The following PQBP1 variants were observed in gnomAD, a reference collection of about 807,000 sequenced individuals.
PQBP1 encodes the protein polyglutamine binding protein 1, also known as polyglutamine-binding protein 1.
Under a neutral mutation model 20.9 loss-of-function variants are expected in PQBP1, and 3 were observed. The ratio of observed to expected loss-of-function variants is 0.14; its 90% CI spans 0.07 to 0.37. The LOEUF (loss-of-function observed/expected upper bound fraction) is 0.37, where lower values mean the gene tolerates loss of function less well. Among genes scored for constraint, PQBP1 ranks in the 10% least tolerant of loss-of-function variants. PQBP1 has a pLI of 1.00. For missense variants in PQBP1, 162 were observed against 240.3 expected (o/e 0.67, Z 2.16); for synonymous variants, 83 against 93.8 (o/e 0.88, Z 0.67).
intron 2 of PQBP1, among the ~76,000 whole-genome samples, chrX:48,900,144 G>T (rs1234894777): frequency 9.2e-6 from 1 of 108,112 alleles, no homozygotes; most frequent in African/African-American, 3.4e-5. Flanking sequence ...CCAGCTACTC[G>T]GGAGGCTGAG....
Position 48,902,985 on chromosome X carries a change from C to T in PQBP1, c.699C>T (p.Thr233=), listed in dbSNP as rs781855851. 2 of 1,202,722 alleles carry T rather than the reference C, an allele frequency of 1.7e-6. No homozygotes were observed. Among genetic ancestry groups the T allele is most frequent in the Non-Finnish European group, 2.2e-6 (2 of 891,160 alleles). ...ATGAGGCCAAGACTGGCGCTGACACCACAGCAGCTGGGCCCCTCTTCCAGC... is the reference window on the plus strand; with the variant it reads ...ATGAGGCCAAGACTGGCGCTGACACTACAGCAGCTGGGCCCCTCTTCCAGC... ...KRNEAKTGAD[T]TAAGPLFQQR... Residue 233 remains threonine (T), a synonymous_variant, in exon 7 of 7, where the codon ACC becomes ACT. Transcript: ENST00000447146.
At position 48,898,479 on chromosome X, in the gene PQBP1, C is replaced by G; in HGVS notation, c.-18-13C>G. ...TATCTGAGCTGCTTGTCAGTTTGTT[C>G]GTCTGTCCCTAGGTCTGTCTGCTAT... On this transcript the variant is annotated splice_polypyrimidine_tract_variant and intron_variant, in intron 1 of 6. Transcript: ENST00000447146. 8.3e-7 allele frequency: 1 copy of G among 1,201,901 alleles called. No homozygotes were observed. Among genetic ancestry groups the G allele is most frequent in the Non-Finnish European group, 1.1e-6 (1 of 886,779 alleles).
At chrX:48,899,360 C>T (rs932824417) in intron 2 of PQBP1, among the ~76,000 whole-genome samples, 3 of 111,728 alleles carry the variant, frequency 2.7e-5, no homozygotes, top group African/African-American at 9.8e-5. Context: ...GAGGCTGAGG[C>T]GGGTAGATTG....
chrX:48,902,619 A>C, intron 5 of PQBP1, 102 bp downstream of exon 5: 1 of 1,153,190 alleles, frequency 8.7e-7, no homozygotes, highest in Non-Finnish European at 1.2e-6. Context: ...GGGCTAGAGG[A>C]GGGTGCTGTG....
chrX:48,900,786 T>G (rs1375909514), intron 2 of PQBP1, among the ~76,000 whole-genome samples: 2 of 109,748 alleles, frequency 1.8e-5, no homozygotes. Context: ...ACAGACGGGT[T>G]TTCACCATCT....
chrX:48,897,957 G>A lies in PQBP1; in HGVS notation c.-144G>A. On this transcript the variant is annotated 5_prime_UTR_variant, in exon 1 of 7. Coordinates refer to ENST00000447146, the MANE Select transcript of PQBP1 (RefSeq NM_001032382.2). ...GTTACTTTCAGGCTCGGGGAGTGAA[G>A]GCCTCGTTGAGAGAAGGTCTCATTC... The A allele has an allele frequency of 1.1e-6, 1 of 883,534 alleles. No individual in the cohort carries two copies. Among genetic ancestry groups the A allele is most frequent in the Non-Finnish European group, 1.5e-6 (1 of 655,587 alleles). The allele number at this position is 883,534 out of a possible 1,213,427, so 72.8% of individuals were successfully genotyped here. A position where few individuals can be genotyped will look rare whatever the true frequency, so the allele number is the denominator to read the frequency against.
intron 1 of PQBP1, 84 bp from the exon 2 acceptor site, chrX:48,898,408 C>A: frequency 1.2e-6 from 1 of 859,170 alleles, no homozygotes; most frequent in Non-Finnish European, 1.7e-6. Flanking sequence ...CAGATGAGTA[C>A]ATGTTTACGG....
chrX:48,898,044 G>A lies in PQBP1; in HGVS notation c.-57G>A, dbSNP rs2063334798. The A allele has an allele frequency of 2.9e-6, 3 of 1,035,380 alleles. No individual in the cohort carries two copies. The highest frequency in any genetic ancestry group is 3.9e-5 in the African/African-American group (2 of 51,497). The allele number at this position is 1,035,380 out of a possible 1,213,427, so 85.3% of individuals were successfully genotyped here. On this transcript the variant is annotated 5_prime_UTR_variant, in exon 1 of 7. Transcript: ENST00000447146. Reference sequence around the variant, plus strand: ...CGTAGCGGCGACACGAGAGAGACGGGCGGTGTGACAGCCTTCCACTACCTG... The same window carrying A: ...CGTAGCGGCGACACGAGAGAGACGGACGGTGTGACAGCCTTCCACTACCTG...
rs2063451376 is a variant in PQBP1 at position 48,902,988 on chromosome X, A to C, written c.702A>C (p.Thr234=). 8.3e-7 allele frequency: 1 copy of C among 1,200,345 alleles called. No homozygotes were observed. ...AGGCCAAGACTGGCGCTGACACCACAGCAGCTGGGCCCCTCTTCCAGCAGC... is the reference window on the plus strand; with the variant it reads ...AGGCCAAGACTGGCGCTGACACCACCGCAGCTGGGCCCCTCTTCCAGCAGC... The part of the protein sequence containing the change: ...RNEAKTGADT[T]AAGPLFQQRP... The change falls in exon 7 of 7, where the codon ACA becomes ACC. Residue 234 remains threonine (T), a synonymous_variant. Transcript: ENST00000447146.
Position 48,902,432 on chromosome X carries a change from G to T in PQBP1, c.492G>T (p.Gly164=), listed in dbSNP as rs375706327. ...ERDRERDRDR[G]YDKADREEGK... ...ACAGGGAACGGGATCGGGACCGCGG[G>T]TATGACAAGGCAGACCGGGAAGAGG... Residue 164 remains glycine, a synonymous_variant, in exon 5 of 7, where the codon GGG becomes GGT. Coordinates refer to ENST00000447146, the MANE Select transcript of PQBP1 (RefSeq NM_001032382.2). 2.3e-5 allele frequency: 28 copies of T among 1,206,901 alleles called. No homozygotes were observed. The highest frequency in any genetic ancestry group is 3.1e-5 in the Non-Finnish European group (28 of 893,951).
At chrX:48,898,927 TC>T (rs1557040358) in intron 2 of PQBP1, among the ~76,000 whole-genome samples, 2 of 98,783 alleles carry the variant, frequency 2.0e-5, no homozygotes, top group African/African-American at 7.5e-5. Flanking sequence ...TGCCTTAACT[TC>T]CCGAGTAGTT....
At chrX:48,899,016 C>T (rs1477228468) in intron 2 of PQBP1, among the ~76,000 whole-genome samples, 5 of 96,607 alleles carry the variant, frequency 5.2e-5, no homozygotes, top group African/African-American at 2.0e-4. Flanking sequence ...CTCGGTCTGT[C>T]GCCCAGGCTG....
intron 2 of PQBP1, among the ~76,000 whole-genome samples, chrX:48,900,284 CTTTTTT>C (rs1162086780): frequency 2.6e-3 from 86 of 32,463 alleles, no homozygotes; most frequent in Admixed American, 8.8e-3. Flanking sequence ...CATTGATTTA[CTTTTTT>C]TTTTTTTTTT....
At position 48,902,515 on chromosome X, in the gene PQBP1, A is replaced by T. The variant is rs1557041568; in HGVS notation, c.575A>T (p.Lys192Met). 8.3e-7 allele frequency: 1 copy of T among 1,203,002 alleles called. No homozygotes were observed. The highest frequency in any genetic ancestry group is 1.8e-5 in the South Asian group (1 of 55,187). The change falls in exon 5 of 7, where the codon AAG (lysine) becomes ATG (methionine). Residue 192 changes from lysine (K) to methionine (M), a missense_variant and splice_region_variant. Physicochemically the swap from Lys to Met is moderately conservative, Grantham distance 95 (BLOSUM62 -1). Coordinates refer to ENST00000447146, the MANE Select transcript of PQBP1 (RefSeq NM_001032382.2). ...CTGGCTCCCTATCCCAAGAGCAAGAAGGGTAAGCTGGGCAGAATGGGGCTC... is the reference window on the plus strand; with the variant it reads ...CTGGCTCCCTATCCCAAGAGCAAGATGGGTAAGCTGGGCAGAATGGGGCTC... ...EELAPYPKSK[K>M]AVSRKDEELD...
intron 1 of PQBP1, 56 bp downstream of exon 1, chrX:48,898,138 C>T: frequency 9.8e-7 from 1 of 1,022,094 alleles, no homozygotes; most frequent in South Asian, 2.4e-5. Context: ...GCCCTCTGCT[C>T]CCCCATCCCA....
intron 2 of PQBP1, among the ~76,000 whole-genome samples, chrX:48,899,597 A>T (rs1416309037): frequency 9.0e-6 from 1 of 110,909 alleles, no homozygotes; most frequent in Non-Finnish European, 1.9e-5. Context: ...TCTGAAAAAA[A>T]TCCAAAAAAA....
At position 48,901,931 on chromosome X, in the gene PQBP1, G is replaced by A. The variant is rs2147471872; in HGVS notation, c.181G>A (p.Gly61Arg). The change falls in exon 4 of 7, where the codon GGG becomes AGG. Residue 61 changes from glycine to arginine, a missense_variant and splice_region_variant. Transcript: ENST00000447146. The part of the protein sequence containing the change: ...SWYKVFDPSC[G>R]LPYYWNADTD... Reference sequence around the variant, plus strand: ...CACTTCTTTCCTGCGGCCCCACAGCGGGCTCCCTTACTACTGGAATGCAGA... The same window carrying A: ...CACTTCTTTCCTGCGGCCCCACAGCAGGCTCCCTTACTACTGGAATGCAGA... The A allele has an allele frequency of 5.0e-6, 6 of 1,211,460 alleles. No homozygotes were observed. The highest frequency in any genetic ancestry group is 4.5e-6 in the Non-Finnish European group (4 of 895,419).
chrX:48,898,716 A>G (rs2063346759), intron 2 of PQBP1, 140 bp downstream of exon 2: 1 of 490,830 alleles, frequency 2.0e-6, no homozygotes, highest in Non-Finnish European at 3.4e-6. Flanking sequence ...GTTGTTAACA[A>G]TGTGGATTCC....
chrX:48,901,831 C>A, intron 3 of PQBP1, 99 bp from the exon 4 acceptor site: 1 of 1,163,994 alleles, frequency 8.6e-7, no homozygotes, highest in Non-Finnish European at 1.2e-6. Context: ...CCTGTGGGGT[C>A]CTGACATGGG....
Sources: allele counts gnomAD v4.1 joint callset (sites outside exome capture counted in the v4.1 genomes callset), GRCh38; gene constraint gnomAD v4.1.1; transcripts MANE v1.5; gene names NCBI Gene and HGNC (gene_info 2026-07-23, HGNC 2026-07-21).